SLCO3A1: variants seen among roughly 807,000 people sequenced by gnomAD.
The protein encoded by SLCO3A1 is solute carrier organic anion transporter family member 3A1.
Under a neutral mutation model 63.1 loss-of-function variants are expected in SLCO3A1, and 27 were observed. The observed-to-expected ratio is 0.43, with a 90% CI of 0.32 to 0.59. SLCO3A1 has a LOEUF of 0.59. SLCO3A1 is among the 20% of genes least tolerant of loss of function. The probability of loss-of-function intolerance (pLI) is 0.09; values close to 1 mark genes in which losing one functional copy is unlikely to be tolerated. For missense variants in SLCO3A1, 773 were observed against 945.8 expected, an observed-to-expected ratio of 0.82 and a Z score of 2.40; for synonymous variants, 473 against 409.9, an observed-to-expected ratio of 1.15 and a Z score of -1.86.
intron 2 of SLCO3A1, among the ~76,000 whole-genome samples, chr15:91,991,386 A>G (rs2046124812): frequency 6.6e-6 from 1 of 152,310 alleles, no homozygotes. Flanking sequence ...CCAATTTTAT[A>G]TGTGTTAACA....
intron 2 of SLCO3A1, among the ~76,000 whole-genome samples, chr15:91,982,341 C>T (rs922081052): frequency 2.0e-5 from 3 of 152,256 alleles, no homozygotes; most frequent in African/African-American, 7.2e-5. Context: ...CACAGTCCAG[C>T]CTTGGCTCTG....
At chr15:92,141,515 AC>A (rs1162181054) in intron 7 of SLCO3A1, among the ~76,000 whole-genome samples, 2 of 152,152 alleles carry the variant, frequency 1.3e-5, no homozygotes, top group Admixed American at 6.5e-5. Context: ...CTTAAATTAG[AC>A]TGCTGTCTCA....
intron 2 of SLCO3A1, among the ~76,000 whole-genome samples, chr15:91,946,754 G>C (rs1197800667): frequency 6.6e-6 from 1 of 152,170 alleles, no homozygotes; most frequent in Non-Finnish European, 1.5e-5. Context: ...AGAACCCCCA[G>C]TTCCCAGTTT....
At chr15:91,925,262 T>C (rs1301984585) in intron 2 of SLCO3A1, among the ~76,000 whole-genome samples, 1 of 152,216 alleles carries the variant, frequency 6.6e-6, no homozygotes. Flanking sequence ...CCTTTTCACC[T>C]ACAAGAAGCA....
At chr15:91,971,803 AGCAGCAGTGGCTCCGTAT>A (rs1900884506) in intron 2 of SLCO3A1, among the ~76,000 whole-genome samples, 1 of 151,806 alleles carries the variant, frequency 6.6e-6, no homozygotes, top group South Asian at 2.1e-4. Context: ...TATTTCCCCT[AGCAGCAGTGGCTCCGTAT>A]TCAGCAGTGG....
chr15:91,956,642 C>T (rs955307607), intron 2 of SLCO3A1, among the ~76,000 whole-genome samples: 2 of 151,706 alleles, frequency 1.3e-5, no homozygotes, highest in African/African-American at 4.8e-5. Context: ...TGAGGCTAGG[C>T]CCTGGGGAGA....
At chr15:91,956,210 CG>C (rs1356896510) in intron 2 of SLCO3A1, among the ~76,000 whole-genome samples, 1 of 152,104 alleles carries the variant, frequency 6.6e-6, no homozygotes, top group Non-Finnish European at 1.5e-5. Flanking sequence ...TGGTTTCTGG[CG>C]TTCTACAGAA....
In SLCO3A1 at chr15:91,894,285, G is replaced by A. The variant is rs1442528579; in HGVS notation, c.181-21708G>A. Among the ~76,000 whole-genome samples, 1 of 152,186 alleles carries A rather than the reference G, an allele frequency of 6.6e-6. No individual in the cohort carries two copies. The highest frequency in any genetic ancestry group is 1.5e-5 in the Non-Finnish European group (1 of 68,030). ...ATCTTGCAGGCCAGGAGGGTCCGGA[G>A]TTAGGATTTTATTCCAGGCCCATGG... is the stretch of plus-strand genomic sequence containing the variant. On this transcript the variant is annotated intron_variant, in intron 1 of 9. Transcript: ENST00000318445. This position sits in a 1 kb window ranked among gnomAD's most constrained non-coding sequence, Gnocchi z 4.8.
chr15:91,994,277 C>T lies in SLCO3A1; in HGVS notation c.646+77819C>T, dbSNP rs1285265517. On this transcript the variant is annotated intron_variant, in intron 2 of 9. Coordinates refer to ENST00000318445, the MANE Select transcript of SLCO3A1 (RefSeq NM_013272.4). The stretch of plus-strand genomic sequence containing the variant: ...GTACTGTTGTTACTCTCATTTTATA[C>T]ATGTGGAAACTGAGGCCCAGAGATT... Among the ~76,000 whole-genome samples the T allele has an allele frequency of 3.9e-5, 6 of 152,224 alleles. No homozygotes were observed. The East Asian group carries it at 1.2e-3, about 29-fold the overall frequency.
At chr15:92,073,583 G>C (rs986218884) in intron 2 of SLCO3A1, among the ~76,000 whole-genome samples, 1 of 152,176 alleles carries the variant, frequency 6.6e-6, no homozygotes, top group African/African-American at 2.4e-5. Context: ...ATCCTTTCCT[G>C]CTTACACCAC....
At chr15:91,990,458 C>G (rs768472199) in intron 2 of SLCO3A1, among the ~76,000 whole-genome samples, 3 of 152,110 alleles carry the variant, frequency 2.0e-5, no homozygotes, top group Admixed American at 2.0e-4. Context: ...CCATCCTTCT[C>G]AGACTCCTGA....
intron 8 of SLCO3A1, chr15:92,149,500 C>G (rs1224262709): frequency 6.6e-6 from 1 of 152,334 alleles, no homozygotes; most frequent in Non-Finnish European, 1.5e-5. Flanking sequence ...CTCAGAACAT[C>G]TGGAAGCGAG....
chr15:92,031,662 A>G (rs955413476), intron 2 of SLCO3A1, among the ~76,000 whole-genome samples: 2 of 152,180 alleles, frequency 1.3e-5, no homozygotes, highest in Non-Finnish European at 2.9e-5. Context: ...CCAAGGACAC[A>G]GTCTTTTGCG....
At chr15:91,984,414 G>T (rs1028476721) in intron 2 of SLCO3A1, among the ~76,000 whole-genome samples, 11 of 152,206 alleles carry the variant, frequency 7.2e-5, no homozygotes, top group African/African-American at 2.4e-4. Context: ...TTTCTGCAAA[G>T]TCTGGATACC....
In SLCO3A1 at chr15:91,967,788, C is replaced by T. The variant is rs1298531862; in HGVS notation, c.646+51330C>T. Reference sequence around the variant, plus strand: ...GCCTACTTTTGGGGAACCACGAGGACGTAGTGGCAGGACTAAAGGTCAAGG... The same window carrying T: ...GCCTACTTTTGGGGAACCACGAGGATGTAGTGGCAGGACTAAAGGTCAAGG... On this transcript the variant is annotated intron_variant, in intron 2 of 9. Transcript: ENST00000318445. This position sits in a 1 kb window ranked among gnomAD's most constrained non-coding sequence, Gnocchi z 4.4. Among the ~76,000 whole-genome samples the T allele has an allele frequency of 4.6e-5, 7 of 152,234 alleles. No individual in the cohort carries two copies. The highest frequency in any genetic ancestry group is 1.9e-4 in the East Asian group (1 of 5,178).
intron 2 of SLCO3A1, among the ~76,000 whole-genome samples, chr15:91,956,306 C>A (rs988605077): frequency 1.3e-5 from 2 of 152,084 alleles, no homozygotes; most frequent in African/African-American, 2.4e-5. Context: ...GGATTTGATG[C>A]GAAATGGGCT....
intron 2 of SLCO3A1, among the ~76,000 whole-genome samples, chr15:92,058,945 A>G (rs1477723993): frequency 6.6e-6 from 1 of 152,168 alleles, no homozygotes; most frequent in African/African-American, 2.4e-5. Context: ...GACATCAGTC[A>G]TTGTATTTAG....
At chr15:92,001,609 G>C (rs781136778) in intron 2 of SLCO3A1, among the ~76,000 whole-genome samples, 13 of 152,168 alleles carry the variant, frequency 8.5e-5, no homozygotes, top group Non-Finnish European at 1.6e-4. Context: ...CCCCCACCCA[G>C]GGAGATTGTT....
chr15:92,108,244 C>G (rs2047688934), intron 4 of SLCO3A1, among the ~76,000 whole-genome samples: 1 of 152,234 alleles, frequency 6.6e-6, no homozygotes, highest in Non-Finnish European at 1.5e-5. Flanking sequence ...ACTCCAGTAT[C>G]TCCCCGATGT....
Sources: allele counts gnomAD v4.1 joint callset (sites outside exome capture counted in the v4.1 genomes callset), GRCh38; gene constraint gnomAD v4.1.1; non-coding constraint Gnocchi (gnomAD v3.1); transcripts MANE v1.5; gene names NCBI Gene and HGNC (gene_info 2026-07-23, HGNC 2026-07-21).